IDO2: variants seen among roughly 807,000 people sequenced by gnomAD.
IDO2 encodes indoleamine 2,3-dioxygenase 2.
IDO2 carries 46 observed loss-of-function variants against 45.1 expected under a neutral mutation model. The ratio of observed to expected loss-of-function variants is 1.02; its 90% CI spans 0.80 to 1.30. IDO2 has a LOEUF of 1.30. Ranked by LOEUF, IDO2 falls within the 50% of genes most tolerant of loss-of-function variation. The probability of loss-of-function intolerance (pLI) is 0.00; values close to 1 mark genes in which losing one functional copy is unlikely to be tolerated. For missense variants in IDO2, 544 were observed against 491.8 expected, an observed-to-expected ratio of 1.11 and a Z score of -1.00; for synonymous variants, 218 against 184.9, an observed-to-expected ratio of 1.18 and a Z score of -1.45.
chr8:39,938,485 CT>C (rs748574211), intron 1 of IDO2, among the ~76,000 whole-genome samples: 1 of 151,794 alleles, frequency 6.6e-6, no homozygotes, highest in Non-Finnish European at 1.5e-5. Context: ...GACCATAAAA[CT>C]ATTAGAGATA....
At chr8:39,985,182 G>A (rs1388336908) in intron 5 of IDO2, 2 of 366,284 alleles carry the variant, frequency 5.5e-6, no homozygotes, top group African/African-American at 2.1e-5. Context: ...ACCTGCCTCA[G>A]CCTTCCAAAG....
intron 9 of IDO2, among the ~76,000 whole-genome samples, chr8:40,006,365 A>G (rs916602510): frequency 1.3e-5 from 2 of 152,208 alleles, no homozygotes; most frequent in Non-Finnish European, 2.9e-5. Flanking sequence ...TGTTCTGAGC[A>G]CATTTAAGGG....
intron 3 of IDO2, among the ~76,000 whole-genome samples, chr8:39,971,676 T>A (rs908197305): frequency 6.6e-6 from 1 of 152,222 alleles, no homozygotes; most frequent in Non-Finnish European, 1.5e-5. Flanking sequence ...TCAACCCTCA[T>A]GGATGACTTT....
intron 8 of IDO2, among the ~76,000 whole-genome samples, chr8:39,994,329 T>C (rs1362849): frequency 0.82 from 123,673 of 150,646 alleles, 51,181 homozygotes; most frequent in East Asian, 0.92. Context: ...GCCATCTCGG[T>C]TCACCACAAC....
rs116602688 is a variant in IDO2, at chr8:40,006,595, C to T, written c.719+1217C>T. 8.0e-3 allele frequency among the ~76,000 whole-genome samples: 1,211 copies of T among 152,164 alleles called. 15 individuals carry two copies. The highest frequency in any genetic ancestry group is 0.027 in the African/African-American group (1,127 of 41,528). Reference sequence around the variant, plus strand: ...ATTTTTTTCATATTTTCTGAGTACTCTTCTTTTGTCACATGGCTTGAAATT... The same window carrying T: ...ATTTTTTTCATATTTTCTGAGTACTTTTCTTTTGTCACATGGCTTGAAATT... On this transcript the variant is annotated intron_variant, in intron 9 of 10. Coordinates refer to ENST00000502986, the Ensembl canonical transcript of IDO2.
At chr8:39,977,944 G>A (rs1808286476) in intron 3 of IDO2, among the ~76,000 whole-genome samples, 1 of 152,146 alleles carries the variant, frequency 6.6e-6, no homozygotes, top group African/African-American at 2.4e-5. Flanking sequence ...CTTTCTTTGT[G>A]TTACAAACAA....
intron 1 of IDO2, among the ~76,000 whole-genome samples, chr8:39,947,679 C>T (rs1807758785): frequency 6.6e-6 from 1 of 152,064 alleles, no homozygotes; most frequent in Non-Finnish European, 1.5e-5. Context: ...GACCCTGTCT[C>T]CTTTGTTTGG....
chr8:39,983,852 C>T (rs1011306733), intron 5 of IDO2, among the ~76,000 whole-genome samples: 1 of 73,218 alleles, frequency 1.4e-5, no homozygotes, highest in African/African-American at 5.4e-5. Context: ...GTGACAAACT[C>T]TGTCTCAAAA....
At chr8:39,968,098 G>A (rs1179412022) in intron 3 of IDO2, among the ~76,000 whole-genome samples, 2 of 143,412 alleles carry the variant, frequency 1.4e-5, no homozygotes, top group Non-Finnish European at 1.5e-5. Context: ...AAAAAATCTG[G>A]AAGAAAACAG....
chr8:39,958,747 G>A (rs4604416), intron 2 of IDO2, among the ~76,000 whole-genome samples: 2,638 of 152,140 alleles, frequency 0.017, 76 homozygotes, highest in African/African-American at 0.059. Context: ...CACTGGGCCT[G>A]GCACCTGGTT....
intron 2 of IDO2, among the ~76,000 whole-genome samples, chr8:39,959,287 T>A (rs1807957604): frequency 6.6e-6 from 1 of 151,788 alleles, no homozygotes; most frequent in Admixed American, 6.6e-5. Flanking sequence ...TTTTCTATTT[T>A]TTTTTTTTAG....
chr8:39,951,085 CAG>C (rs2129593383), intron 2 of IDO2, among the ~76,000 whole-genome samples: 1 of 133,630 alleles, frequency 7.5e-6, no homozygotes, highest in South Asian at 2.4e-4. Flanking sequence ...TTGGAAGCAG[CAG>C]AGTTTTTATC....
chr8:39,953,294 G>A (rs1349960058), intron 2 of IDO2, among the ~76,000 whole-genome samples: 3 of 152,164 alleles, frequency 2.0e-5, no homozygotes, highest in Non-Finnish European at 4.4e-5. Context: ...AGGTGGTTTA[G>A]AGTTGTTGTT....
chr8:39,990,668 C>T (rs1808486042), intron 8 of IDO2, among the ~76,000 whole-genome samples: 1 of 152,148 alleles, frequency 6.6e-6, no homozygotes, highest in African/African-American at 2.4e-5. Context: ...CTTTAAAAAC[C>T]TTTGTCTTCC....
chr8:39,989,912 AC>A, intron 8 of IDO2, 74 bp downstream of exon 8: 1 of 919,014 alleles, frequency 1.1e-6, no homozygotes, highest in South Asian at 1.7e-5. Context: ...GGGCCTGGGG[AC>A]CAGGCATGTC....
intron 1 of IDO2, among the ~76,000 whole-genome samples, chr8:39,948,885 A>C (rs1208260012): frequency 6.6e-6 from 1 of 152,056 alleles, no homozygotes; most frequent in Non-Finnish European, 1.5e-5. Context: ...TGGGGTTAAA[A>C]CTGCTTTTCT....
chr8:40,006,350 G>A (rs973423744), intron 9 of IDO2, among the ~76,000 whole-genome samples: 9 of 152,192 alleles, frequency 5.9e-5, no homozygotes, highest in African/African-American at 2.2e-4. Context: ...GTGGGCTAAT[G>A]TAAGTGTTCT....
At chr8:39,992,713 C>CT (rs1282029962) in intron 8 of IDO2, among the ~76,000 whole-genome samples, 1 of 152,270 alleles carries the variant, frequency 6.6e-6, no homozygotes, top group East Asian at 1.9e-4. Flanking sequence ...CTTGGCTGGA[C>CT]TTTTTCCCTC....
intron 9 of IDO2, among the ~76,000 whole-genome samples, chr8:40,010,614 G>A (rs368058618): frequency 6.6e-6 from 1 of 152,160 alleles, no homozygotes; most frequent in Non-Finnish European, 1.5e-5. Context: ...TAAAGGTGTT[G>A]AGAAATGGTC....
Sources: gnomAD v4.1 joint callset for allele counts (sites outside exome capture counted in the v4.1 genomes callset) on GRCh38, gnomAD v4.1.1 for gene constraint, MANE v1.5 for transcripts, NCBI Gene and HGNC (gene_info 2026-07-23, HGNC 2026-07-21) for gene names.